Variants in GNG2 observed in about 807,000 individuals in gnomAD.
The protein encoded by GNG2 is guanine nucleotide-binding protein G(I)/G(S)/G(O) subunit gamma-2.
A neutral mutation model predicts 5.5 loss-of-function variants in GNG2; 5 were observed. That is an observed-to-expected ratio of 0.91 (90% CI 0.48 to 1.92). The LOEUF (loss-of-function observed/expected upper bound fraction) is 1.92, where lower values mean the gene tolerates loss of function less well. Among genes scored for constraint, GNG2 ranks in the 30% most tolerant of loss-of-function variants. The pLI is 0.01. For synonymous variants in GNG2, 28 were observed against 32.0 expected, an observed-to-expected ratio of 0.88 and a Z score of 0.42; for missense variants, 55 against 88.4, an observed-to-expected ratio of 0.62 and a Z score of 1.52.
intron 2 of GNG2, among the ~76,000 whole-genome samples, chr14:51,886,454 C>T (rs1009422822): frequency 2.6e-5 from 4 of 152,152 alleles, no homozygotes; most frequent in African/African-American, 9.7e-5. Flanking sequence ...AGTTCATATT[C>T]TGAATAGGGC....
At chr14:51,840,946 A>T (rs1881465684) in intron 2 of GNG2, among the ~76,000 whole-genome samples, 1 of 152,206 alleles carries the variant, frequency 6.6e-6, no homozygotes, top group Non-Finnish European at 1.5e-5. Context: ...CTTTTACCAC[A>T]GCGAATCTAG....
intron 2 of GNG2, among the ~76,000 whole-genome samples, chr14:51,839,066 CTA>C (rs1881414462): frequency 6.6e-6 from 1 of 152,058 alleles, no homozygotes; most frequent in Non-Finnish European, 1.5e-5. Context: ...AAAAGCAAAA[CTA>C]TACAGATTGT....
rs1007911178 is a variant in GNG2, at chr14:51,843,577, T to TAA, written c.64+15783_64+15784dup. 9.2e-4 allele frequency among the ~76,000 whole-genome samples: 24 copies of TAA among 26,128 alleles called. 1 individual carries two copies. The South Asian group carries it at 0.24, about 257-fold the overall frequency. The allele number at this position is 26,128 out of a possible 152,430, so 17.1% of individuals were successfully genotyped here. ...GCACACGCATCCCAGAACTTAAAGTTAAAAAAAAAAAAAACTCAAATATTT... is the reference window on the plus strand; with the variant it reads ...GCACACGCATCCCAGAACTTAAAGTTAAAAAAAAAAAAAAAACTCAAATATTT... On this transcript the variant is annotated intron_variant, in intron 2 of 3. Coordinates refer to the GNG2 transcript ENST00000553432.
At chr14:51,948,687 C>G (rs537683590) in intron 2 of GNG2, among the ~76,000 whole-genome samples, 11 of 152,110 alleles carry the variant, frequency 7.2e-5, no homozygotes, top group Non-Finnish European at 1.5e-4. Context: ...GTTAAAGTCT[C>G]CTTTTATTAT....
chr14:51,870,824 A>G (rs73291102), intron 1 of GNG2, among the ~76,000 whole-genome samples: 2,812 of 152,300 alleles, frequency 0.018, 86 homozygotes, highest in African/African-American at 0.062. Flanking sequence ...AGCAATAGTG[A>G]AAAAGGGAAA....
intron 1 of GNG2, among the ~76,000 whole-genome samples, chr14:51,864,768 G>A (rs919160556): frequency 2.6e-5 from 4 of 152,164 alleles, no homozygotes; most frequent in African/African-American, 9.7e-5. Flanking sequence ...GGCCAGAAAG[G>A]GAGGGGAGAA....
chr14:51,959,340 C>G (rs1889457427), intron 3 of GNG2, among the ~76,000 whole-genome samples: 1 of 152,168 alleles, frequency 6.6e-6, no homozygotes, highest in East Asian at 1.9e-4. Context: ...ATCTTCACCC[C>G]CAAAAGTCTG....
At chr14:51,846,792 C>G (rs577156742) in intron 2 of GNG2, among the ~76,000 whole-genome samples, 2 of 152,230 alleles carry the variant, frequency 1.3e-5, no homozygotes, top group Non-Finnish European at 2.9e-5. Context: ...TGCACCCCTA[C>G]TCCAGGAAGG....
intron 3 of GNG2, among the ~76,000 whole-genome samples, chr14:51,962,492 A>AT (rs1257879366): frequency 6.6e-6 from 1 of 152,104 alleles, no homozygotes; most frequent in African/African-American, 2.4e-5. Context: ...AAAGATGTAA[A>AT]TTTTTTGTAT....
intron 1 of GNG2, among the ~76,000 whole-genome samples, chr14:51,861,606 T>C: frequency 6.6e-6 from 1 of 152,208 alleles, no homozygotes; most frequent in East Asian, 1.9e-4. Flanking sequence ...GTAGATAGAC[T>C]GAAGTAGTAA....
chr14:51,914,116 T>C (rs61971473), intron 2 of GNG2: 13,737 of 656,076 alleles, frequency 0.021, 202 homozygotes, highest in Non-Finnish European at 0.029. Context: ...GCAGAAGATA[T>C]TGAAATTGCA....
intron 2 of GNG2, among the ~76,000 whole-genome samples, chr14:51,840,142 A>T (rs1881444021): frequency 6.6e-6 from 1 of 152,198 alleles, no homozygotes; most frequent in Admixed American, 6.5e-5. Flanking sequence ...TCACTGCTCC[A>T]CCTGGGTAGC....
At position 51,883,023 on chromosome 14, in the gene GNG2, GA is replaced by G. The variant is rs777193660; in HGVS notation, c.-30+5377del. ...AGACTCCATCTCAAAAAAAAAAAAA[GA>G]AAAAAAAAAAGAAAAAAAAGAACAG... On this transcript the variant is annotated intron_variant, in intron 2 of 3. Coordinates refer to ENST00000556766, the MANE Select transcript of GNG2 (RefSeq NM_053064.5). Among the ~76,000 whole-genome samples, 510 of 127,220 alleles carry G rather than the reference GA, an allele frequency of 4.0e-3. 4 individuals carry two copies. Among genetic ancestry groups the G allele is most frequent in the African/African-American group, 0.013 (449 of 34,568 alleles). 83.5% of individuals were successfully genotyped at this position (127,220 alleles called of 152,430 possible).
chr14:51,831,681 T>G (rs1397079809), intron 2 of GNG2, among the ~76,000 whole-genome samples: 2 of 152,218 alleles, frequency 1.3e-5, no homozygotes, highest in Non-Finnish European at 2.9e-5. Context: ...TGTAAGGAAG[T>G]GGACTTCAAA....
chr14:51,953,123 T>C (rs1030261757), intron 3 of GNG2, among the ~76,000 whole-genome samples: 1 of 152,226 alleles, frequency 6.6e-6, no homozygotes, highest in African/African-American at 2.4e-5. Flanking sequence ...AACACTTGAC[T>C]GCATTGACTC....
chr14:51,893,057 T>A (rs905168231), intron 2 of GNG2, among the ~76,000 whole-genome samples: 3 of 152,256 alleles, frequency 2.0e-5, no homozygotes, highest in African/African-American at 7.2e-5. Context: ...ATTAGTTTTG[T>A]CTTCCTTGGT....
At chr14:51,874,906 T>G (rs1453534888) in intron 1 of GNG2, among the ~76,000 whole-genome samples, 1 of 152,260 alleles carries the variant, frequency 6.6e-6, no homozygotes, top group African/African-American at 2.4e-5. Context: ...AACTTTATTC[T>G]ATATTTAATT....
chr14:51,854,631 TC>T (rs893410177), intron 2 of GNG2, among the ~76,000 whole-genome samples: 56 of 12,964 alleles, frequency 4.3e-3, no homozygotes, highest in Admixed American at 0.013. Flanking sequence ...CTGCCTCAGC[TC>T]CCCCCGAGTA....
chr14:51,890,741 G>A (rs187518418), intron 2 of GNG2, among the ~76,000 whole-genome samples: 3 of 152,150 alleles, frequency 2.0e-5, no homozygotes, highest in East Asian at 3.9e-4. Flanking sequence ...ATGGTTAAGT[G>A]GCTTCTTCAA....
Sources: gnomAD v4.1 joint callset for allele counts (sites outside exome capture counted in the v4.1 genomes callset) on GRCh38, gnomAD v4.1.1 for gene constraint, MANE v1.5 for transcripts, NCBI Gene and HGNC (gene_info 2026-07-23, HGNC 2026-07-21) for gene names.